The following WDHD1 variants were observed in gnomAD, a reference collection of about 807,000 sequenced individuals.
The protein encoded by WDHD1 is WD repeat and HMG-box DNA-binding protein 1.
WDHD1 carries 111 observed loss-of-function variants against 135.4 expected under a neutral mutation model. The observed-to-expected ratio is 0.82, with a 90% CI of 0.70 to 0.96. The LOEUF is 0.96. Among genes scored for constraint, WDHD1 ranks in the 40% least tolerant of loss-of-function variants. WDHD1 has a pLI of 0.00. For synonymous variants in WDHD1, 434 were observed against 439.0 expected, an observed-to-expected ratio of 0.99 and a Z score of 0.14; for missense variants, 1,351 against 1,336.3, an observed-to-expected ratio of 1.01 and a Z score of -0.17.
chr14:54,995,862 A>G (rs763242392), intron 10 of WDHD1, 49 bp from the exon 11 acceptor site: 1 of 1,409,428 alleles, frequency 7.1e-7, no homozygotes, highest in Non-Finnish European at 9.4e-7. Context: ...TGATTTAGAA[A>G]AACTCAATTA....
intron 16 of WDHD1, among the ~76,000 whole-genome samples, chr14:54,974,177 A>G (rs1165083250): frequency 6.6e-6 from 1 of 151,916 alleles, no homozygotes; most frequent in African/African-American, 2.4e-5. Context: ...ATCCCAGTAC[A>G]TAAGGAGGCT....
chr14:54,973,449 T>C (rs2041473358), intron 16 of WDHD1, among the ~76,000 whole-genome samples: 2 of 152,174 alleles, frequency 1.3e-5, no homozygotes, highest in Admixed American at 1.3e-4. Flanking sequence ...AAAATACAAA[T>C]GTTTTTAGGG....
chr14:54,988,372 A>G (rs1221175574), intron 13 of WDHD1, among the ~76,000 whole-genome samples: 7 of 152,198 alleles, frequency 4.6e-5, no homozygotes, highest in Non-Finnish European at 7.3e-5. Context: ...AGACGTAGTG[A>G]CAAAAATCTA....
chr14:54,945,276 C>G (rs1203714535), intron 24 of WDHD1, among the ~76,000 whole-genome samples: 1 of 152,184 alleles, frequency 6.6e-6, no homozygotes, highest in Non-Finnish European at 1.5e-5. Flanking sequence ...ACTCACAATA[C>G]AAATTGTCTT....
At chr14:54,944,567 C>A in intron 24 of WDHD1, 97 bp from the exon 25 acceptor site, 57 of 948,064 alleles carry the variant, frequency 6.0e-5, no homozygotes, top group Non-Finnish European at 7.3e-5. Context: ...TCTCTGACAT[C>A]TATTATATAA....
intron 7 of WDHD1, among the ~76,000 whole-genome samples, chr14:55,002,617 T>TC (rs2041995687): frequency 6.8e-6 from 1 of 146,300 alleles, no homozygotes; most frequent in Non-Finnish European, 1.5e-5. Flanking sequence ...TTACTTTTTT[T>TC]TCCCCCAAGA....
At chr14:54,975,244 T>A (rs1445257944) in intron 16 of WDHD1, among the ~76,000 whole-genome samples, 1 of 152,154 alleles carries the variant, frequency 6.6e-6, no homozygotes, top group African/African-American at 2.4e-5. Flanking sequence ...TATTAACCAG[T>A]AGTGTCATGA....
chr14:55,026,650 A>G, intron 2 of WDHD1, 61 bp downstream of exon 2: 1 of 1,538,374 alleles, frequency 6.5e-7, no homozygotes, highest in Non-Finnish European at 9.0e-7. Context: ...TGCACATATA[A>G]AGTTTAAGGA....
chr14:54,979,435 C>T (rs66769866), intron 16 of WDHD1, among the ~76,000 whole-genome samples: 45,669 of 152,062 alleles, frequency 0.3, 6,897 homozygotes, highest in South Asian at 0.34. Context: ...GGATTACAGG[C>T]GTGAGCCACC....
chr14:54,967,447 C>T, intron 16 of WDHD1, 53 bp from the exon 17 acceptor site: 1 of 1,381,628 alleles, frequency 7.2e-7, no homozygotes, highest in Non-Finnish European at 1.0e-6. Flanking sequence ...GTCATAAAAA[C>T]TACAAAATTT....
At chr14:54,947,383 A>G (rs138023039) in intron 24 of WDHD1, among the ~76,000 whole-genome samples, 4,342 of 152,252 alleles carry the variant, frequency 0.029, 74 homozygotes, top group South Asian at 0.049. Flanking sequence ...CCGGCCTATC[A>G]ATTTTCTTAA....
chr14:54,942,352 T>A (rs8020545), intron 25 of WDHD1, among the ~76,000 whole-genome samples: 52,836 of 151,846 alleles, frequency 0.35, 9,830 homozygotes, highest in African/African-American at 0.49. Context: ...TACAGAAAGA[T>A]CCTGTGTAGC....
chr14:54,974,569 A>C lies in WDHD1; in HGVS notation c.2063+6971T>G, dbSNP rs1379734833. The stretch of plus-strand genomic sequence containing the variant: ...ATCAGGCGTGGTGGCTCACTCCTGT[A>C]ATATCCCAGCACTTTGGGAGCCAAG... On this transcript the variant is annotated intron_variant, in intron 16 of 25. Coordinates refer to ENST00000360586, the MANE Select transcript of WDHD1 (RefSeq NM_007086.4). Among the ~76,000 whole-genome samples the C allele has an allele frequency of 4.0e-5, 6 of 151,458 alleles. No individual in the cohort carries two copies. In the East Asian group the frequency reaches 1.2e-3, roughly 29 times the overall value.
intron 7 of WDHD1, among the ~76,000 whole-genome samples, chr14:55,006,346 T>C (rs371234810): frequency 2.0e-5 from 3 of 152,242 alleles, no homozygotes; most frequent in African/African-American, 7.2e-5. Flanking sequence ...TTCTTGTACA[T>C]TTAACCTGTT....
Position 55,026,802 on chromosome 14 carries a change from A to C in WDHD1, c.-15T>G, listed in dbSNP as rs1242301857. On this transcript the variant is annotated splice_region_variant and 5_prime_UTR_variant, in exon 2 of 26. Transcript: ENST00000360586. ...GTGGCAGGCATGTTTTCCTTTACCT[A>C]TCTGAAAATGTTTTATAAAAGCCAG... is the stretch of plus-strand genomic sequence containing the variant. 1.2e-6 allele frequency: 2 copies of C among 1,613,602 alleles called. No homozygotes were observed. The highest frequency in any genetic ancestry group is 1.7e-6 in the Non-Finnish European group (2 of 1,179,666).
At chr14:55,026,617 C>T in intron 2 of WDHD1, 94 bp downstream of exon 2, 1 of 1,207,664 alleles carries the variant, frequency 8.3e-7, no homozygotes, top group Non-Finnish European at 1.2e-6. Context: ...TTCCTCTATC[C>T]GCATGAGTCA....
chr14:54,959,654 G>A (rs577763362), intron 21 of WDHD1, among the ~76,000 whole-genome samples: 1 of 152,186 alleles, frequency 6.6e-6, no homozygotes, highest in African/African-American at 2.4e-5. Flanking sequence ...TGTAGTCATA[G>A]CTACTCAGTA....
intron 24 of WDHD1, among the ~76,000 whole-genome samples, chr14:54,947,156 A>G (rs1287135354): frequency 2.6e-5 from 4 of 152,056 alleles, no homozygotes; most frequent in Non-Finnish European, 4.4e-5. Flanking sequence ...CCTGACCAAC[A>G]TGGAGAAACC....
At chr14:54,967,788 C>G (rs1176980528) in intron 16 of WDHD1, among the ~76,000 whole-genome samples, 1 of 152,020 alleles carries the variant, frequency 6.6e-6, no homozygotes, top group Non-Finnish European at 1.5e-5. Flanking sequence ...GCCTGGCTAA[C>G]TTTTGTATTT....
Sources: allele counts gnomAD v4.1 joint callset (sites outside exome capture counted in the v4.1 genomes callset), GRCh38; gene constraint gnomAD v4.1.1; transcripts MANE v1.5; gene names NCBI Gene and HGNC (gene_info 2026-07-23, HGNC 2026-07-21).